Variants in CAPZA1 observed in about 807,000 individuals in gnomAD.
The protein encoded by CAPZA1 is capping actin protein of muscle Z-line subunit alpha 1.
In CAPZA1, 10 loss-of-function variants were observed where a neutral mutation model predicts 40.8. The observed-to-expected ratio is 0.25, with a 90% CI of 0.15 to 0.42. The LOEUF (loss-of-function observed/expected upper bound fraction) is 0.42. CAPZA1 is among the 10% of genes least tolerant of loss of function. CAPZA1 has a pLI of 1.00. For missense variants in CAPZA1, 277 were observed against 353.8 expected (o/e 0.78, Z 1.74); for synonymous variants, 98 against 115.0 (o/e 0.85, Z 0.95).
chr1:112,638,434 C>A (rs755618033), intron 1 of CAPZA1, among the ~76,000 whole-genome samples: 6 of 152,146 alleles, frequency 3.9e-5, no homozygotes, highest in Non-Finnish European at 8.8e-5. Flanking sequence ...CCTGCCTCAG[C>A]CTCCCGAGTA....
chr1:112,622,706 A>G (rs1026438335), intron 1 of CAPZA1, among the ~76,000 whole-genome samples: 2 of 152,168 alleles, frequency 1.3e-5, no homozygotes, highest in African/African-American at 4.8e-5. Context: ...GCTTTCAGTA[A>G]TAAGATAAAG....
At chr1:112,649,760 C>T (rs186347545) in intron 3 of CAPZA1, 433 of 384,846 alleles carry the variant, frequency 1.1e-3, no homozygotes, top group African/African-American at 8.0e-3. Flanking sequence ...TGTTCTAGTT[C>T]GTGTTGAATT....
chr1:112,620,069 T>G, intron 1 of CAPZA1, 186 bp downstream of exon 1: 1 of 546,970 alleles, frequency 1.8e-6, no homozygotes, highest in Non-Finnish European at 3.3e-6. Context: ...GTGGCCCCAG[T>G]TCCTCGTTCC....
intron 1 of CAPZA1, chr1:112,620,571 C>T (rs1046806684): frequency 6.6e-6 from 1 of 152,182 alleles, no homozygotes; most frequent in Non-Finnish European, 1.5e-5. Flanking sequence ...AATTTTGTTT[C>T]TTGTTAACAA....
intron 1 of CAPZA1, among the ~76,000 whole-genome samples, chr1:112,641,549 TAAA>T: frequency 6.6e-6 from 1 of 152,246 alleles, no homozygotes; most frequent in East Asian, 1.9e-4. Context: ...TTTACATACT[TAAA>T]AACTGAATTT....
intron 8 of CAPZA1, among the ~76,000 whole-genome samples, chr1:112,669,103 G>C (rs1671779958): frequency 6.6e-6 from 1 of 152,102 alleles, no homozygotes; most frequent in South Asian, 2.1e-4. Context: ...GCAAATAAAG[G>C]CATATGTGAG....
chr1:112,669,339 C>T (rs909229806), intron 8 of CAPZA1, among the ~76,000 whole-genome samples: 1 of 152,148 alleles, frequency 6.6e-6, no homozygotes, highest in Non-Finnish European at 1.5e-5. Flanking sequence ...TCTGTTTTCT[C>T]ATCTGCAAAA....
intron 7 of CAPZA1, among the ~76,000 whole-genome samples, chr1:112,665,178 G>GTTTTTTTTTTTT (rs55776312): frequency 1.6e-5 from 2 of 128,948 alleles, no homozygotes; most frequent in Non-Finnish European, 1.6e-5. Flanking sequence ...GTTTTTTTGT[G>GTTTTTTTTTTTT]TTTTTTTTTT....
chr1:112,665,570 T>A (rs1412311643), intron 7 of CAPZA1, among the ~76,000 whole-genome samples: 1 of 152,202 alleles, frequency 6.6e-6, no homozygotes, highest in East Asian at 1.9e-4. Flanking sequence ...TTCTGGAGAC[T>A]AAGAAGTCCA....
At chr1:112,669,202 A>G (rs529531158) in intron 8 of CAPZA1, among the ~76,000 whole-genome samples, 4 of 152,358 alleles carry the variant, frequency 2.6e-5, no homozygotes, top group African/African-American at 7.2e-5. Context: ...TCAAGACTTG[A>G]TGATGTCTTT....
At chr1:112,650,337 C>T (rs1218095994) in intron 3 of CAPZA1, among the ~76,000 whole-genome samples, 2 of 152,136 alleles carry the variant, frequency 1.3e-5, no homozygotes, top group African/African-American at 2.4e-5. Flanking sequence ...TTTTTTGGAA[C>T]TCATTTTGGG....
chr1:112,658,289 A>G (rs1671537542), intron 5 of CAPZA1, among the ~76,000 whole-genome samples: 1 of 152,118 alleles, frequency 6.6e-6, no homozygotes, highest in South Asian at 2.1e-4. Flanking sequence ...TGTAATTTCC[A>G]GTTTGTTAAT....
chr1:112,641,051 C>G (rs1211478443), intron 1 of CAPZA1, among the ~76,000 whole-genome samples: 1 of 152,028 alleles, frequency 6.6e-6, no homozygotes, highest in Non-Finnish European at 1.5e-5. Context: ...ATCACCACTC[C>G]CCAATCTCAA....
Position 112,669,545 on chromosome 1 carries a change from T to C in CAPZA1, c.660T>C (p.Asn220=), listed in dbSNP as rs557787220. The C allele has an allele frequency of 1.9e-6, 3 of 1,608,472 alleles. No individual in the cohort carries two copies. In the South Asian group the frequency reaches 3.3e-5, roughly 18 times the overall value. Residue 220 remains asparagine (N), a splice_region_variant and synonymous_variant, in exon 9 of 10, where the codon AAT becomes AAC. Coordinates refer to ENST00000263168, the MANE Select transcript of CAPZA1 (RefSeq NM_006135.3). ...KDVQDSLTVS[N]EAQTAKEFIK... is the part of the protein sequence containing the mutation. ...CCCCTTCTTCCTTCCTTCATTAGAA[T>C]GAAGCCCAAACTGCCAAGGAGTTTA...
At chr1:112,631,298 A>T (rs963962492) in intron 1 of CAPZA1, among the ~76,000 whole-genome samples, 2 of 152,254 alleles carry the variant, frequency 1.3e-5, no homozygotes, top group African/African-American at 4.8e-5. Flanking sequence ...AAAAGACAAC[A>T]TAACTCAGAA....
At chr1:112,638,097 A>G (rs1384753850) in intron 1 of CAPZA1, among the ~76,000 whole-genome samples, 1 of 152,222 alleles carries the variant, frequency 6.6e-6, no homozygotes, top group Non-Finnish European at 1.5e-5. Context: ...TTGGAAGGGT[A>G]CAACAGCTAA....
chr1:112,632,579 G>A (rs1043026169), intron 1 of CAPZA1, among the ~76,000 whole-genome samples: 2 of 152,108 alleles, frequency 1.3e-5, no homozygotes, highest in Non-Finnish European at 2.9e-5. Flanking sequence ...GCAGGGAGGC[G>A]GGGTGGGGTG....
intron 1 of CAPZA1, among the ~76,000 whole-genome samples, chr1:112,642,474 CA>C (rs551220922): frequency 1.1e-3 from 172 of 152,184 alleles, no homozygotes; most frequent in East Asian, 4.2e-3. Flanking sequence ...TTTGGCCTCC[CA>C]AAGTGCTGGG....
intron 1 of CAPZA1, among the ~76,000 whole-genome samples, chr1:112,645,736 CA>C (rs34728417): frequency 0.52 from 55,486 of 106,886 alleles, 10,615 homozygotes; most frequent in South Asian, 0.62. Flanking sequence ...CTTGCCAGTG[CA>C]AAAAAAAAAA....
Sources: gnomAD v4.1 joint callset for allele counts (sites outside exome capture counted in the v4.1 genomes callset) on GRCh38, gnomAD v4.1.1 for gene constraint, MANE v1.5 for transcripts, NCBI Gene and HGNC (gene_info 2026-07-23, HGNC 2026-07-21) for gene names.